PCNX3: variants seen among roughly 807,000 people sequenced by gnomAD.
PCNX3 encodes pecanex-like protein 3.
In PCNX3, 58 loss-of-function variants were observed where a neutral mutation model predicts 207.2. The observed-to-expected ratio is 0.28, with a 90% confidence interval of 0.23 to 0.35. PCNX3 has a LOEUF of 0.35. Ranked by LOEUF, PCNX3 falls within the 10% of genes least tolerant of loss-of-function variation. PCNX3 has a pLI of 1.00. For synonymous variants in PCNX3, 1,337 were observed against 1,183.5 expected, an observed-to-expected ratio of 1.13 and a Z score of -2.66; for missense variants, 2,410 against 2,774.4, an observed-to-expected ratio of 0.87 and a Z score of 2.95.
chr11:65,626,598 C>G (rs755456022), intron 20 of PCNX3: 2 of 472,784 alleles, frequency 4.2e-6, no homozygotes. Flanking sequence ...AGCTCACGGG[C>G]TCACTGTGCA....
rs1565160664 is a variant in PCNX3, at chr11:65,623,655, GCT to G, written c.2511+16_2511+17del. The G allele has an allele frequency of 6.2e-7, 1 of 1,609,032 alleles. No homozygotes were observed. Among genetic ancestry groups the G allele is most frequent in the Non-Finnish European group, 8.5e-7 (1 of 1,177,640 alleles). On this transcript the variant is annotated intron_variant, in intron 12 of 34. Transcript: ENST00000355703. ...TACTCCTTGCTGAAGGTCAGGCCGG[GCT>G]CTCTGTGTTTCCTTCCCCACCCGAC...
intron 29 of PCNX3, 140 bp from the exon 30 acceptor site, chr11:65,634,833 T>C: frequency 7.7e-7 from 1 of 1,295,238 alleles, no homozygotes; most frequent in Non-Finnish European, 1.0e-6. Flanking sequence ...GTGAGAGACA[T>C]GGGCAGAGAT....
At position 65,629,545 on chromosome 11, in the gene PCNX3, C is replaced by T. The variant is rs757190700; in HGVS notation, c.4026C>T (p.Ser1342=). The change falls in exon 26 of 35, where the codon TCC becomes TCT. Residue 1342 remains serine, a synonymous_variant. Coordinates refer to ENST00000355703, the MANE Select transcript of PCNX3 (RefSeq NM_032223.4). ...NPGADDNNLN[S]IFYEHLTRSL... is the part of the protein sequence containing the mutation. ...GCGCTGATGACAACAACCTCAACTC[C>T]ATCTTCTATGAGCACTTGACACGTT... is the stretch of plus-strand genomic sequence containing the variant. 3.1e-6 allele frequency: 5 copies of T among 1,613,624 alleles called. No individual in the cohort carries two copies. In the South Asian group the frequency reaches 4.4e-5, roughly 14 times the overall value.
At position 65,622,344 on chromosome 11, in the gene PCNX3, G is replaced by T. The variant is rs1162727782; in HGVS notation, c.2335G>T (p.Ala779Ser). ...GACCTCTGTGCGCTATGAGCGGCTTGCCCTGCTGGCTCTGCTGGACCGGTG... is the reference window on the plus strand; with the variant it reads ...GACCTCTGTGCGCTATGAGCGGCTTTCCCTGCTGGCTCTGCTGGACCGGTG... Reference protein sequence around the residue: ...RWTSVRYERLALLALLDRTRG... With the variant: ...RWTSVRYERLSLLALLDRTRG... The change falls in exon 11 of 35, where the codon GCC (alanine) becomes TCC (serine). Residue 779 changes from alanine to serine, a missense_variant. Ala to Ser is a moderately conservative substitution (Grantham distance 99, BLOSUM62 1). Transcript: ENST00000355703. 1 of 1,592,588 alleles carries T rather than the reference G, an allele frequency of 6.3e-7. No individual in the cohort carries two copies. Among genetic ancestry groups the T allele is most frequent in the Non-Finnish European group, 8.5e-7 (1 of 1,171,288 alleles).
At position 65,625,813 on chromosome 11, in the gene PCNX3, G is replaced by A; in HGVS notation, c.3228+69G>A. On this transcript the variant is annotated intron_variant, in intron 19 of 34. Transcript: ENST00000355703. This position sits in a 1 kb window ranked among gnomAD's most constrained non-coding sequence, Gnocchi z 5.6. The stretch of plus-strand genomic sequence containing the variant: ...GGAGCCTGCTCAATCTGAGTGCCGT[G>A]GGCAGCCCCTCCCCGGCCTGTGCCA... 6.3e-7 allele frequency: 1 copy of A among 1,596,500 alleles called. No homozygotes were observed. Among genetic ancestry groups the A allele is most frequent in the South Asian group, 1.1e-5 (1 of 89,578 alleles).
chr11:65,619,582 G>A lies in PCNX3; in HGVS notation c.1751G>A (p.Arg584Gln), dbSNP rs751009343. 147 of 1,608,766 alleles carry A rather than the reference G, an allele frequency of 9.1e-5. No individual in the cohort carries two copies. The highest frequency in any genetic ancestry group is 1.1e-4 in the Non-Finnish European group (132 of 1,179,212). The change falls in exon 7 of 35, where the codon CGG (arginine) becomes CAG (glutamine). Residue 584 changes from arginine (R) to glutamine (Q), a missense_variant. By Grantham distance (43) the Arg-to-Gln change is conservative (BLOSUM62 1). Around this residue, in one of 8 missense-constraint regions of PCNX3, gnomAD observed 1,104 missense variants for 970.3 expected, o/e 1.14. Coordinates refer to ENST00000355703, the MANE Select transcript of PCNX3 (RefSeq NM_032223.4). The part of the protein sequence containing the change: ...GRRDRSSSVR[R>Q]TQAIRRRHNA... ...CGGGACCGCTCAAGCAGTGTGAGGC[G>A]GACCCAGGCCATTCGGAGACGCCAC...
intron 26 of PCNX3, 113 bp downstream of exon 26, chr11:65,629,848 G>A (rs1855549679): frequency 8.2e-7 from 1 of 1,217,640 alleles, no homozygotes; most frequent in Non-Finnish European, 1.2e-6. Context: ...AGGCTGGCGG[G>A]TGGCCTTGGG....
At position 65,628,639 on chromosome 11, in the gene PCNX3, C is replaced by T. The variant is rs780623393; in HGVS notation, c.3747C>T (p.Ile1249=). 6.8e-6 allele frequency: 11 copies of T among 1,613,498 alleles called. No homozygotes were observed. Among genetic ancestry groups the T allele is most frequent in the African/African-American group, 2.7e-5 (2 of 74,916 alleles). ...LYKLRFVLTY[I]APWQITWGSA... ...AGCTGCGTTTCGTGCTGACCTACAT[C>T]GCGCCCTGGCAGATCACCTGGGGCT... Residue 1249 remains isoleucine (I), a synonymous_variant, in exon 23 of 35, where the codon ATC becomes ATT. Transcript: ENST00000355703.
Position 65,625,830 on chromosome 11 carries a change from C to T in PCNX3, c.3229-74C>T. 3.1e-6 allele frequency: 5 copies of T among 1,597,460 alleles called. No individual in the cohort carries two copies. The highest frequency in any genetic ancestry group is 3.4e-6 in the Non-Finnish European group (4 of 1,171,358). The stretch of plus-strand genomic sequence containing the variant: ...AGTGCCGTGGGCAGCCCCTCCCCGG[C>T]CTGTGCCAGGTGGCCCTCTGTGGTC... On this transcript the variant is annotated intron_variant, in intron 19 of 34. Coordinates refer to ENST00000355703, the MANE Select transcript of PCNX3 (RefSeq NM_032223.4). The surrounding 1 kb of genome is among the most constrained non-coding windows in gnomAD (Gnocchi z 5.6).
Position 65,618,989 on chromosome 11 carries a change from G to T in PCNX3, c.1627G>T (p.Ala543Ser). 6.3e-7 allele frequency: 1 copy of T among 1,599,972 alleles called. No individual in the cohort carries two copies. Among genetic ancestry groups the T allele is most frequent in the Admixed American group, 1.7e-5 (1 of 59,330 alleles). The change falls in exon 6 of 35, where the codon GCT becomes TCT. Residue 543 changes from alanine to serine, a missense_variant. Around this residue, in one of 8 missense-constraint regions of PCNX3, gnomAD observed 1,104 missense variants for 970.3 expected, o/e 1.14. Transcript: ENST00000355703. ...TGCTAGTGAGCCTGTTGTGCTGCCT[G>T]CTGAGGCGCGAAGGGGACCCGCTGC... ...QAASEPVVLP[A>S]EARRGPAANQ...
intron 5 of PCNX3, 98 bp from the exon 6 acceptor site, chr11:65,617,842 G>T: frequency 6.8e-7 from 1 of 1,464,128 alleles, no homozygotes; most frequent in Non-Finnish European, 9.2e-7. Flanking sequence ...CTGTGGCTGG[G>T]CTCTCAGGGA....
chr11:65,620,066 C>T (rs981898693), intron 8 of PCNX3, 134 bp downstream of exon 8: 7 of 1,020,478 alleles, frequency 6.9e-6, no homozygotes, highest in Admixed American at 2.8e-5. Flanking sequence ...TCCTTGCAGC[C>T]TCTTTGAGGC....
At position 65,627,002 on chromosome 11, in the gene PCNX3, G is replaced by T. The variant is rs1855427408; in HGVS notation, c.3478G>T (p.Val1160Leu). ...YPAVVLNALT[V>L]DAHTVVSHPD... ...CGCCGTGGTGCTCAACGCCCTCACGGTGGACGCCCACACAGTCGTCAGCCA... is the reference window on the plus strand; with the variant it reads ...CGCCGTGGTGCTCAACGCCCTCACGTTGGACGCCCACACAGTCGTCAGCCA... The change falls in exon 21 of 35, where the codon GTG (valine) becomes TTG (leucine). Residue 1160 changes from valine to leucine, a missense_variant. This residue lies in a region of PCNX3 where 333 missense variants were observed against 386.8 expected (regional missense o/e 0.86). Transcript: ENST00000355703. 6.5e-7 allele frequency: 1 copy of T among 1,548,344 alleles called. No homozygotes were observed. Among genetic ancestry groups the T allele is most frequent in the Non-Finnish European group, 8.7e-7 (1 of 1,145,614 alleles).
chr11:65,622,340 G>A lies in PCNX3; in HGVS notation c.2331G>A (p.Arg777=). Residue 777 remains arginine, a synonymous_variant, in exon 11 of 35, where the codon CGG becomes CGA. Transcript: ENST00000355703. ...GCTGGACCTCTGTGCGCTATGAGCGGCTTGCCCTGCTGGCTCTGCTGGACC... is the reference window on the plus strand; with the variant it reads ...GCTGGACCTCTGTGCGCTATGAGCGACTTGCCCTGCTGGCTCTGCTGGACC... ...PGRWTSVRYE[R]LALLALLDRT... 3.8e-6 allele frequency: 6 copies of A among 1,593,416 alleles called. No individual in the cohort carries two copies. The highest frequency in any genetic ancestry group is 2.3e-5 in the East Asian group (1 of 43,660).
At chr11:65,634,784 C>A in intron 29 of PCNX3, 143 bp downstream of exon 29, 1 of 1,176,082 alleles carries the variant, frequency 8.5e-7, no homozygotes, top group African/African-American at 1.5e-5. Context: ...ACGGGCAGGG[C>A]ACTTCCTGGT....
Position 65,635,579 on chromosome 11 carries a change from G to A in PCNX3, c.5235G>A (p.Leu1745=). The change falls in exon 32 of 35, where the codon CTG becomes CTA. Residue 1745 remains leucine (L), a synonymous_variant. Coordinates refer to ENST00000355703, the MANE Select transcript of PCNX3 (RefSeq NM_032223.4). The surrounding 1 kb of genome is among the most constrained non-coding windows in gnomAD (Gnocchi z 9.9). ...RGLWAGQQQE[L]VFLRNRNPER... ...TGTGGGCCGGGCAGCAGCAGGAGCT[G>A]GTGTTCCTGCGCAACCGCAACCCCG... 1 of 1,612,606 alleles carries A rather than the reference G, an allele frequency of 6.2e-7. No homozygotes were observed.
Position 65,617,354 on chromosome 11 carries a change from G to C in PCNX3, c.441+5G>C. Reference sequence around the variant, plus strand: ...TTTGGCTTCAACCAGGTCTCGGTGAGTGGGCCTGGACCTCAGCTTGTCCTC... The same window carrying C: ...TTTGGCTTCAACCAGGTCTCGGTGACTGGGCCTGGACCTCAGCTTGTCCTC... On this transcript the variant is annotated splice_donor_5th_base_variant and intron_variant, in intron 3 of 34. Coordinates refer to ENST00000355703, the MANE Select transcript of PCNX3 (RefSeq NM_032223.4). The C allele has an allele frequency of 6.2e-7, 1 of 1,613,220 alleles. No individual in the cohort carries two copies. The highest frequency in any genetic ancestry group is 8.5e-7 in the Non-Finnish European group (1 of 1,179,622).
intron 27 of PCNX3, among the ~76,000 whole-genome samples, chr11:65,631,852 C>T (rs1008358527): frequency 2.6e-5 from 4 of 152,028 alleles, no homozygotes; most frequent in African/African-American, 4.8e-5. Context: ...AGTAGTTTCA[C>T]GAGGCCCTGG....
At chr11:65,626,684 C>G in intron 20 of PCNX3, 2 of 608,666 alleles carry the variant, frequency 3.3e-6, no homozygotes, top group South Asian at 3.9e-5. Flanking sequence ...GACAGCAGAG[C>G]AGAGCACCTG....
Sources: gnomAD v4.1 joint callset for allele counts (sites outside exome capture counted in the v4.1 genomes callset) on GRCh38, gnomAD v4.1.1 for gene constraint, gnomAD v4.1.1 regional missense constraint, Gnocchi (gnomAD v3.1) non-coding constraint, MANE v1.5 for transcripts, NCBI Gene and HGNC (gene_info 2026-07-23, HGNC 2026-07-21) for gene names.